ENOX1: variants seen among roughly 807,000 people sequenced by gnomAD.
ENOX1 encodes the protein candidate growth-related and time keeping constitutive hydroquinone (NADH) oxidase.
In ENOX1, 42 loss-of-function variants were observed where a neutral mutation model predicts 82.5. The ratio of observed to expected loss-of-function variants is 0.51; its 90% CI spans 0.40 to 0.66. ENOX1 has a LOEUF of 0.66. Among genes scored for constraint, ENOX1 ranks in the 30% least tolerant of loss-of-function variants. The pLI is 0.00. For synonymous variants in ENOX1, 271 were observed against 282.2 expected, an observed-to-expected ratio of 0.96 and a Z score of 0.40; for missense variants, 608 against 811.6, an observed-to-expected ratio of 0.75 and a Z score of 3.05.
chr13:43,407,799 C>T (rs1272352042), intron 5 of ENOX1, among the ~76,000 whole-genome samples: 1 of 91,982 alleles, frequency 1.1e-5, no homozygotes, highest in African/African-American at 4.2e-5. Context: ...ACGAATGTTC[C>T]AACAGATTGG....
intron 3 of ENOX1, among the ~76,000 whole-genome samples, chr13:43,413,943 G>A (rs2054294474): frequency 6.6e-6 from 1 of 151,718 alleles, no homozygotes; most frequent in Non-Finnish European, 1.5e-5. Context: ...ATCTTAAGTA[G>A]ATTAGATATA....
At chr13:43,689,317 A>G (rs2086231025) in intron 1 of ENOX1, among the ~76,000 whole-genome samples, 1 of 152,256 alleles carries the variant, frequency 6.6e-6, no homozygotes, top group African/African-American at 2.4e-5. Context: ...TCAGAGCTCC[A>G]AAGAACACCA....
intron 2 of ENOX1, among the ~76,000 whole-genome samples, chr13:43,637,316 C>G (rs544533987): frequency 6.6e-6 from 1 of 152,176 alleles, no homozygotes; most frequent in South Asian, 2.1e-4. Context: ...TCTATTAAGA[C>G]TTTACAAAGT....
At chr13:43,470,338 ATACG>A (rs1255223389) in intron 3 of ENOX1, among the ~76,000 whole-genome samples, 14 of 22,964 alleles carry the variant, frequency 6.1e-4, no homozygotes, top group African/African-American at 1.5e-3. Flanking sequence ...ATGTATATAT[ATACG>A]TATATATATA....
At chr13:43,359,147 CAG>C (rs1045099267) in intron 7 of ENOX1, among the ~76,000 whole-genome samples, 4 of 151,274 alleles carry the variant, frequency 2.6e-5, no homozygotes, top group African/African-American at 9.7e-5. Context: ...AGGTGAAATG[CAG>C]AGGGACAGAC....
intron 16 of ENOX1, among the ~76,000 whole-genome samples, chr13:43,223,190 A>G (rs2041874493): frequency 1.3e-5 from 2 of 152,194 alleles, no homozygotes; most frequent in Non-Finnish European, 2.9e-5. Context: ...GGTCGTACCA[A>G]TCCCATGCGT....
At chr13:43,454,045 T>C (rs897389985) in intron 3 of ENOX1, among the ~76,000 whole-genome samples, 1 of 152,194 alleles carries the variant, frequency 6.6e-6, no homozygotes, top group East Asian at 1.9e-4. Flanking sequence ...CTCTTGTTTT[T>C]GCTTTATTTG....
chr13:43,650,943 A>C (rs1368951985), intron 2 of ENOX1, among the ~76,000 whole-genome samples: 3 of 152,020 alleles, frequency 2.0e-5, no homozygotes, highest in African/African-American at 7.2e-5. Context: ...CCTCAATCCA[A>C]CCTTTTTTGG....
chr13:43,236,698 C>A lies in ENOX1; in HGVS notation c.1652G>T (p.Arg551Leu). ...GCTTCTTTTCTCAATATTGTTCTCT[C>A]GGTCTTGGTTGACTAATGCAACTGT... ...VLTVALVNQD[R>L]ENNIEKRSQG... The change falls in exon 15 of 17, where the codon CGA (arginine) becomes CTA (leucine). Residue 551 changes from arginine (R) to leucine (L), a missense_variant. Physicochemically the swap from Arg to Leu is moderately radical, Grantham distance 102 (BLOSUM62 -2). Coordinates refer to ENST00000690772, the MANE Select transcript of ENOX1 (RefSeq NM_001347969.2). 12 of 1,589,118 alleles carry A rather than the reference C, an allele frequency of 7.6e-6. No homozygotes were observed. The highest frequency in any genetic ancestry group is 1.0e-5 in the Non-Finnish European group (12 of 1,173,644).
In ENOX1 at chr13:43,230,688, A is replaced by T. The variant is rs544433192; in HGVS notation, c.1714+5948T>A. 2.8e-4 allele frequency among the ~76,000 whole-genome samples: 42 copies of T among 152,268 alleles called. No homozygotes were observed. The South Asian group carries it at 8.7e-3, about 32-fold the overall frequency. Reference sequence around the variant, plus strand: ...GATTACCCGGTGGATGAAATGCCTCAATCCACAAATATTTAGGACCACTCC... The same window carrying T: ...GATTACCCGGTGGATGAAATGCCTCTATCCACAAATATTTAGGACCACTCC... On this transcript the variant is annotated intron_variant, in intron 15 of 16. Coordinates refer to ENST00000690772, the MANE Select transcript of ENOX1 (RefSeq NM_001347969.2).
intron 3 of ENOX1, among the ~76,000 whole-genome samples, chr13:43,417,891 A>AT (rs2153604477): frequency 6.6e-6 from 1 of 152,220 alleles, no homozygotes; most frequent in African/African-American, 2.4e-5. Context: ...ACAATATTTC[A>AT]TTTTCCACCA....
chr13:43,547,279 C>G (rs2079012902), intron 2 of ENOX1: 1 of 152,188 alleles, frequency 6.6e-6, no homozygotes, highest in Non-Finnish European at 1.5e-5. Context: ...ATTTTTGAAA[C>G]ATTCACATTC....
intron 3 of ENOX1, among the ~76,000 whole-genome samples, chr13:43,423,089 A>G (rs1037328633): frequency 6.6e-6 from 1 of 152,192 alleles, no homozygotes. Flanking sequence ...GTCTTTGTAT[A>G]GGCAGGTTTT....
At chr13:43,419,249 G>T (rs2054828736) in intron 3 of ENOX1, among the ~76,000 whole-genome samples, 1 of 152,152 alleles carries the variant, frequency 6.6e-6, no homozygotes, top group Non-Finnish European at 1.5e-5. Context: ...AAGGCTGGGT[G>T]TGGTGGCTCA....
chr13:43,363,919 C>T (rs1051550320), intron 5 of ENOX1, among the ~76,000 whole-genome samples: 8 of 152,088 alleles, frequency 5.3e-5, no homozygotes, highest in African/African-American at 1.7e-4. Flanking sequence ...TCTGAGACAT[C>T]AGTATGAGGA....
chr13:43,539,552 T>G (rs2078621041), intron 2 of ENOX1, among the ~76,000 whole-genome samples: 1 of 152,202 alleles, frequency 6.6e-6, no homozygotes, highest in Non-Finnish European at 1.5e-5. Flanking sequence ...CTTTTAATTA[T>G]TTATAAGTTT....
In ENOX1 at chr13:43,411,957, C is replaced by A; in HGVS notation, c.167G>T (p.Gly56Val). The A allele has an allele frequency of 1.2e-6, 2 of 1,614,164 alleles. No homozygotes were observed. The highest frequency in any genetic ancestry group is 8.5e-7 in the Non-Finnish European group (1 of 1,180,028). The change falls in exon 5 of 17, where the codon GGC (glycine) becomes GTC (valine). Residue 56 changes from glycine to valine, a missense_variant. Transcript: ENST00000690772. ...TCCAGGCAACCCTACGGGAACCATGCCCAGGTTATTCATGGCTGTAGCCCA... is the reference window on the plus strand; with the variant it reads ...TCCAGGCAACCCTACGGGAACCATGACCAGGTTATTCATGGCTGTAGCCCA... ...TAWATAMNNL[G>V]MVPVGLPGQQ...
chr13:43,411,880 T>G, intron 5 of ENOX1, 36 bp downstream of exon 5: 1 of 1,613,032 alleles, frequency 6.2e-7, no homozygotes, highest in Non-Finnish European at 8.5e-7. Context: ...CCTTCGGCAC[T>G]GCTGCAAGCA....
At chr13:43,432,867 T>C (rs1365254997) in intron 3 of ENOX1, among the ~76,000 whole-genome samples, 1 of 152,132 alleles carries the variant, frequency 6.6e-6, no homozygotes, top group Non-Finnish European at 1.5e-5. Flanking sequence ...GGAGCAGCGC[T>C]GCCTTATTCT....
Sources: allele counts gnomAD v4.1 joint callset (sites outside exome capture counted in the v4.1 genomes callset), GRCh38; gene constraint gnomAD v4.1.1; transcripts MANE v1.5; gene names NCBI Gene and HGNC (gene_info 2026-07-23, HGNC 2026-07-21).